Variants in SOX5 observed in about 807,000 individuals in gnomAD.
The protein encoded by SOX5 is transcription factor SOX-5.
In SOX5, 9 loss-of-function variants were observed where a neutral mutation model predicts 92.0. The observed-to-expected ratio is 0.10, with a 90% CI of 0.06 to 0.17. The LOEUF (loss-of-function observed/expected upper bound fraction) is 0.17, where lower values mean the gene tolerates loss of function less well. Ranked by LOEUF, SOX5 falls within the 10% of genes least tolerant of loss-of-function variation. The probability of loss-of-function intolerance (pLI) is 1.00; values close to 1 mark genes in which losing one functional copy is unlikely to be tolerated. For synonymous variants in SOX5, 344 were observed against 336.3 expected (o/e 1.02, Z -0.25); for missense variants, 642 against 944.5 (o/e 0.68, Z 4.20).
chr12:24,115,055 T>C (rs1400425489), intron 4 of SOX5, among the ~76,000 whole-genome samples: 1 of 152,176 alleles, frequency 6.6e-6, no homozygotes, highest in Non-Finnish European at 1.5e-5. Context: ...GAAGATTTAA[T>C]TGAACGAAGA....
At position 23,751,799 on chromosome 12, in the gene SOX5, C is replaced by G. The variant is rs549338744; in HGVS notation, c.568+3839G>C. ...ACAAAATTATAGCCTTGCAAAAGAA[C>G]CAGTTGTTGAATTACATCAAATGCC... On this transcript the variant is annotated intron_variant, in intron 4 of 14. Transcript: ENST00000451604. Among the ~76,000 whole-genome samples the G allele has an allele frequency of 4.6e-5, 7 of 151,960 alleles. No individual in the cohort carries two copies. In the South Asian group the frequency reaches 1.5e-3, roughly 32 times the overall value.
chr12:23,571,818 C>T (rs1025929178), intron 10 of SOX5, among the ~76,000 whole-genome samples: 5 of 152,034 alleles, frequency 3.3e-5, no homozygotes, highest in African/African-American at 1.2e-4. Flanking sequence ...TCTGTGTTCC[C>T]TATCTGCTAA....
At chr12:23,931,776 A>C (rs1401402832) in intron 1 of SOX5, among the ~76,000 whole-genome samples, 1 of 151,706 alleles carries the variant, frequency 6.6e-6, no homozygotes, top group East Asian at 1.9e-4. Flanking sequence ...GCATTTTTTC[A>C]TAAAGAACAA....
intron 4 of SOX5, among the ~76,000 whole-genome samples, chr12:24,093,522 C>CAA (rs747562605): frequency 0.067 from 7,922 of 118,762 alleles, 226 homozygotes; most frequent in Admixed American, 0.088. Context: ...GACTCCGTCT[C>CAA]AAAAAAAAAA....
intron 2 of SOX5, among the ~76,000 whole-genome samples, chr12:23,867,298 T>A (rs1428924915): frequency 2.0e-5 from 3 of 152,126 alleles, no homozygotes; most frequent in African/African-American, 7.2e-5. Context: ...CAGAATTCTG[T>A]CACACAAACC....
intron 3 of SOX5, among the ~76,000 whole-genome samples, chr12:23,839,828 TA>T (rs34051233): frequency 0.4 from 57,934 of 146,508 alleles, 12,458 homozygotes; most frequent in East Asian, 0.77. Flanking sequence ...CTCAACTTGG[TA>T]AAAAAAAAAA....
chr12:23,800,520 G>A (rs4511370), intron 3 of SOX5, among the ~76,000 whole-genome samples: 84,734 of 151,688 alleles, frequency 0.56, 23,863 homozygotes, highest in East Asian at 0.82. Context: ...ATTGGGACAT[G>A]AATGATACAA....
chr12:23,531,948 TATAC>T lies in SOX5; in HGVS notation c.*2267_*2270del, dbSNP rs1939187465. On this transcript the variant is annotated 3_prime_UTR_variant, in exon 15 of 15. Coordinates refer to ENST00000451604, the MANE Select transcript of SOX5 (RefSeq NM_006940.6). ...ATATATATGTATATATATATATACA[TATAC>T]ATACATATATGAGTTGGAGATGGAA... The T allele has an allele frequency of 6.7e-6, 1 of 149,928 alleles. No homozygotes were observed. The highest frequency in any genetic ancestry group is 2.4e-5 in the African/African-American group (1 of 40,966). The allele number at this position is 149,928 out of a possible 1,614,324, so 9.3% of individuals were successfully genotyped here.
intron 2 of SOX5, among the ~76,000 whole-genome samples, chr12:24,365,628 T>G (rs1433995435): frequency 3.3e-5 from 5 of 151,308 alleles, no homozygotes; most frequent in Non-Finnish European, 7.4e-5. Context: ...CTGCACAAAA[T>G]TTGATATAAT....
rs148140533 is a variant in SOX5, at chr12:24,193,806, G to A, written c.-2+19537C>T. On this transcript the variant is annotated intron_variant, in intron 4 of 4. Coordinates refer to the SOX5 transcript ENST00000446891. ...AAGTGAAATTTGGAACACTGCCAAC[G>A]TTTTCAAGAACTTATAATTTTCTTT... is the stretch of plus-strand genomic sequence containing the variant. Among the ~76,000 whole-genome samples the A allele has an allele frequency of 5.5e-3, 832 of 152,258 alleles. 7 individuals carry two copies. The highest frequency in any genetic ancestry group is 0.02 in the Middle Eastern group (6 of 294).
intron 4 of SOX5, among the ~76,000 whole-genome samples, chr12:24,078,988 C>T (rs1471900809): frequency 6.6e-6 from 1 of 151,868 alleles, no homozygotes; most frequent in African/African-American, 2.4e-5. Flanking sequence ...TGCCCTCCTT[C>T]TCTGCTTACC....
intron 6 of SOX5, among the ~76,000 whole-genome samples, chr12:23,676,707 T>G (rs1219656278): frequency 6.6e-6 from 1 of 152,198 alleles, no homozygotes; most frequent in Non-Finnish European, 1.5e-5. Context: ...TGTAGTGTAA[T>G]GAACTATGTA....
At chr12:24,441,711 A>G (rs998070899) in intron 1 of SOX5, among the ~76,000 whole-genome samples, 1 of 152,156 alleles carries the variant, frequency 6.6e-6, no homozygotes, top group African/African-American at 2.4e-5. Context: ...CAATGGGGGG[A>G]AAAAGAAATA....
At chr12:24,274,565 T>G (rs1275194785) in intron 3 of SOX5, among the ~76,000 whole-genome samples, 1 of 151,948 alleles carries the variant, frequency 6.6e-6, no homozygotes, top group Non-Finnish European at 1.5e-5. Context: ...GTGGTACAAT[T>G]AGGAGACAGA....
intron 8 of SOX5, among the ~76,000 whole-genome samples, chr12:23,605,777 T>C (rs944458865): frequency 3.9e-5 from 6 of 151,914 alleles, no homozygotes; most frequent in Non-Finnish European, 7.4e-5. Context: ...AAAATACACA[T>C]ACATAAGTCT....
chr12:24,117,902 C>A lies in SOX5; in HGVS notation c.-2+95441G>T, dbSNP rs571241967. ...GGGCGTGATGGCGGGCACCTGTAAT[C>A]CCAGATACTCGGAGACCAAGGCAGG... On this transcript the variant is annotated intron_variant, in intron 4 of 4. Coordinates refer to the SOX5 transcript ENST00000446891. Among the ~76,000 whole-genome samples, 10 of 151,636 alleles carry A rather than the reference C, an allele frequency of 6.6e-5. No individual in the cohort carries two copies. In the South Asian group the frequency reaches 2.1e-3, roughly 32 times the overall value.
At chr12:24,518,123 C>A (rs536206785) in intron 1 of SOX5, among the ~76,000 whole-genome samples, 1 of 151,440 alleles carries the variant, frequency 6.6e-6, no homozygotes, top group South Asian at 2.1e-4. Context: ...GGCTGGAGTG[C>A]AGTGGCCCAG....
At chr12:23,837,238 A>G (rs1288443035) in intron 3 of SOX5, among the ~76,000 whole-genome samples, 1 of 80,870 alleles carries the variant, frequency 1.2e-5, no homozygotes, top group Non-Finnish European at 3.1e-5. Context: ...ATATATATTT[A>G]TATAATATAT....
At chr12:24,007,146 T>TAC (rs1952294589) in intron 4 of SOX5, among the ~76,000 whole-genome samples, 1 of 84,316 alleles carries the variant, frequency 1.2e-5, no homozygotes, top group African/African-American at 3.9e-5. Context: ...AAAAAATATA[T>TAC]ATATATATAT....
Sources: allele counts gnomAD v4.1 joint callset (sites outside exome capture counted in the v4.1 genomes callset), GRCh38; gene constraint gnomAD v4.1.1; transcripts MANE v1.5; gene names NCBI Gene and HGNC (gene_info 2026-07-23, HGNC 2026-07-21).